MAN2B2: variants seen among roughly 807,000 people sequenced by gnomAD.
MAN2B2 encodes mannosidase alpha class 2B member 2, also known as epididymis-specific alpha-mannosidase.
MAN2B2 carries 106 observed loss-of-function variants against 117.1 expected under a neutral mutation model. The ratio of observed to expected loss-of-function variants is 0.90; its 90% confidence interval spans 0.77 to 1.06. The LOEUF (loss-of-function observed/expected upper bound fraction) is 1.06, where lower values mean the gene tolerates loss of function less well. Ranked by LOEUF, MAN2B2 falls within the 50% of genes least tolerant of loss-of-function variation. MAN2B2 has a pLI of 0.00. For missense variants in MAN2B2, 1,326 were observed against 1,381.4 expected (o/e 0.96, Z 0.64); for synonymous variants, 544 against 595.1 (o/e 0.91, Z 1.25).
At chr4:6,602,341 C>G (rs1727365879) in intron 10 of MAN2B2, among the ~76,000 whole-genome samples, 2 of 152,208 alleles carry the variant, frequency 1.3e-5, no homozygotes, top group South Asian at 2.1e-4. Context: ...ATCAAGGTGC[C>G]AGCATGGCCG....
intron 8 of MAN2B2, among the ~76,000 whole-genome samples, chr4:6,597,865 C>T (rs1174057352): frequency 1.3e-5 from 2 of 152,216 alleles, no homozygotes; most frequent in African/African-American, 4.8e-5. Context: ...AAAAGGGTCA[C>T]ACCAGCCATG....
Position 6,610,009 on chromosome 4 carries a change from C to G in MAN2B2, c.2218C>G (p.Arg740Gly). ...YSDNNGYQMQRRPYVSYVNNS... is the reference protein window; with the variant it reads ...YSDNNGYQMQGRPYVSYVNNS... The stretch of plus-strand genomic sequence containing the variant: ...AGACAACAACGGCTACCAGATGCAG[C>G]GGAGGCCCTACGTTTCCTATGTGAA... Residue 740 changes from arginine to glycine, a missense_variant, in exon 13 of 19, where the codon CGG becomes GGG. Physicochemically the swap from Arg to Gly is moderately radical, Grantham distance 125 (BLOSUM62 -2). Transcript: ENST00000285599. The G allele has an allele frequency of 6.2e-7, 1 of 1,614,172 alleles. No homozygotes were observed. Among genetic ancestry groups the G allele is most frequent in the Non-Finnish European group, 8.5e-7 (1 of 1,180,042 alleles).
At chr4:6,617,534 C>T (rs751600370) in intron 17 of MAN2B2, 42 bp downstream of exon 17, 1 of 1,609,406 alleles carries the variant, frequency 6.2e-7, no homozygotes, top group South Asian at 1.1e-5. Flanking sequence ...GCCAGGGAAG[C>T]AAACCCTAGA....
At chr4:6,614,087 G>C in intron 15 of MAN2B2, 131 bp from the exon 16 acceptor site, 1 of 1,155,556 alleles carries the variant, frequency 8.7e-7, no homozygotes, top group Non-Finnish European at 1.2e-6. Context: ...GCTGGTGCGG[G>C]GTAGGCTACC....
At chr4:6,609,002 T>C (rs1490511410) in intron 11 of MAN2B2, 105 bp from the exon 12 acceptor site, 1 of 1,055,116 alleles carries the variant, frequency 9.5e-7, no homozygotes, top group Non-Finnish European at 1.4e-6. Context: ...TCGTGAGTGC[T>C]ACGCAGGCCA....
At chr4:6,575,528 C>T (rs1200479282) in intron 1 of MAN2B2, among the ~76,000 whole-genome samples, 180 bp downstream of exon 1, 1 of 152,266 alleles carries the variant, frequency 6.6e-6, no homozygotes, top group East Asian at 1.9e-4. Context: ...CACTTCCTGC[C>T]TCTGAACCCC....
At chr4:6,590,757 C>T (rs915054534) in intron 5 of MAN2B2, among the ~76,000 whole-genome samples, 16 of 152,226 alleles carry the variant, frequency 1.1e-4, no homozygotes, top group African/African-American at 1.9e-4. Context: ...CCGTTCCTGA[C>T]GTGGCCTGGC....
chr4:6,579,192 G>GCACCACCACCATCACCATCAC (rs1726263019), intron 3 of MAN2B2, among the ~76,000 whole-genome samples: 4 of 5,148 alleles, frequency 7.8e-4, no homozygotes, highest in Non-Finnish European at 4.8e-4. Flanking sequence ...ACCATCACCA[G>GCACCACCACCATCACCATCAC]CACCACCACC....
chr4:6,592,928 C>T (rs1478165694), intron 5 of MAN2B2, among the ~76,000 whole-genome samples: 1 of 152,242 alleles, frequency 6.6e-6, no homozygotes, highest in Non-Finnish European at 1.5e-5. Flanking sequence ...CAGGGCCTCA[C>T]TTGCCTCACC....
At chr4:6,576,506 G>T in intron 1 of MAN2B2, 72 bp from the exon 2 acceptor site, 1 of 1,569,722 alleles carries the variant, frequency 6.4e-7, no homozygotes, top group Non-Finnish European at 8.7e-7. Flanking sequence ...GACACACCTG[G>T]CGAATGGCAG....
chr4:6,615,656 C>T (rs1327365897), intron 16 of MAN2B2, among the ~76,000 whole-genome samples: 12 of 151,876 alleles, frequency 7.9e-5, no homozygotes, highest in Admixed American at 2.0e-4. Context: ...AAAAATTAGG[C>T]GGGTGTGGTG....
rs1056060458 is a variant in MAN2B2 at position 6,597,153 on chromosome 4, C to T, written c.1098C>T (p.Ser366=). The part of the protein sequence containing the change: ...QAWTGFYTSR[S]SLKGLARRAS... The stretch of plus-strand genomic sequence containing the variant: ...GGACGGGCTTCTACACGTCCCGCAG[C>T]TCACTGAAGGGGCTGGCCCGGCGAG... The change falls in exon 8 of 19, where the codon AGC becomes AGT. Residue 366 remains serine (S), a synonymous_variant. Coordinates refer to ENST00000285599, the MANE Select transcript of MAN2B2 (RefSeq NM_015274.3). 2 of 1,613,360 alleles carry T rather than the reference C, an allele frequency of 1.2e-6. No homozygotes were observed. The highest frequency in any genetic ancestry group is 1.7e-6 in the Non-Finnish European group (2 of 1,179,892).
Position 6,578,304 on chromosome 4 carries a change from G to A in MAN2B2, c.286-89G>A, listed in dbSNP as rs192410380. On this transcript the variant is annotated intron_variant, in intron 2 of 18. Transcript: ENST00000285599. ...AAGGGTGGGGAGTTTTATGCAGGGC[G>A]TGTGTGGCGCTGTAGGTGTGTTCCC... The A allele has an allele frequency of 9.8e-4, 892 of 913,948 alleles. 8 individuals carry two copies. The African/African-American group carries it at 0.013, about 13-fold the overall frequency. The allele number at this position is 913,948 out of a possible 1,614,324, so 56.6% of individuals were successfully genotyped here.
intron 10 of MAN2B2, among the ~76,000 whole-genome samples, chr4:6,604,257 A>G (rs1246801673): frequency 6.6e-6 from 1 of 152,084 alleles, no homozygotes; most frequent in Admixed American, 6.5e-5. Flanking sequence ...AGCAGACAAG[A>G]GTCTCGAAAA....
rs372670828 is a variant in MAN2B2 at position 6,594,647 on chromosome 4, G to A, written c.972G>A (p.Thr324=). The change falls in exon 7 of 19, where the codon ACG becomes ACA. Residue 324 remains threonine (T), a synonymous_variant. Coordinates refer to ENST00000285599, the MANE Select transcript of MAN2B2 (RefSeq NM_015274.3). ...AELGVSVQYA[T]LGDYFRALHA... ...TCGGTGTCTCGGTGCAGTATGCCACGCTGGGCGACTACTTCCGTGCCCTGC... is the reference window on the plus strand; with the variant it reads ...TCGGTGTCTCGGTGCAGTATGCCACACTGGGCGACTACTTCCGTGCCCTGC... 4.8e-5 allele frequency: 77 copies of A among 1,613,404 alleles called. No individual in the cohort carries two copies. The East Asian group carries it at 7.1e-4, about 15-fold the overall frequency.
chr4:6,579,034 T>TACCACCATC (rs1282814146), intron 3 of MAN2B2, among the ~76,000 whole-genome samples: 1 of 33,780 alleles, frequency 3.0e-5, no homozygotes, highest in African/African-American at 1.3e-4. Flanking sequence ...CCATCACCAC[T>TACCACCATC]ACCACCATCA....
At chr4:6,618,958 G>C (rs1456630112) in intron 17 of MAN2B2, 3 of 152,234 alleles carry the variant, frequency 2.0e-5, no homozygotes, top group Non-Finnish European at 2.9e-5. Context: ...CACAGGGCCA[G>C]CCTGCCCTGG....
chr4:6,575,267 A>G lies in MAN2B2; in HGVS notation c.57A>G (p.Pro19=). ...LLAPLLLLRP[P]GVQSAGPIRA... ...CACCGCTCCTGTTGCTGCGACCGCC[A>G]GGGGTCCAGTCCGCCGGCCCCATCC... The change falls in exon 1 of 19, where the codon CCA becomes CCG. Residue 19 remains proline (P), a synonymous_variant. Transcript: ENST00000285599. 3 of 1,553,734 alleles carry G rather than the reference A, an allele frequency of 1.9e-6. No homozygotes were observed. The highest frequency in any genetic ancestry group is 1.7e-6 in the Non-Finnish European group (2 of 1,155,262).
rs372158281 is a variant in MAN2B2 at position 6,594,449 on chromosome 4, C to T, written c.859-85C>T. On this transcript the variant is annotated intron_variant, in intron 6 of 18. Transcript: ENST00000285599. ...GCCGCCTTGGAGACTGGGAGGGCAG[C>T]TGGTGGAGGGCAGCGATCGGCCCAC... is the stretch of plus-strand genomic sequence containing the variant. 1.7e-5 allele frequency: 24 copies of T among 1,372,724 alleles called. No individual in the cohort carries two copies. In the African/African-American group the frequency reaches 2.1e-4, roughly 12 times the overall value. The allele number at this position is 1,372,724 out of a possible 1,614,324, so 85.0% of individuals were successfully genotyped here.
Sources: allele counts gnomAD v4.1 joint callset (sites outside exome capture counted in the v4.1 genomes callset), GRCh38; gene constraint gnomAD v4.1.1; transcripts MANE v1.5; gene names NCBI Gene and HGNC (gene_info 2026-07-23, HGNC 2026-07-21).